NRP2: variants seen among roughly 807,000 people sequenced by gnomAD.
NRP2 encodes neuropilin 2.
In NRP2, 52 loss-of-function variants were observed where a neutral mutation model predicts 110.4. The ratio of observed to expected loss-of-function variants is 0.47; its 90% CI spans 0.38 to 0.59. The LOEUF is 0.59. NRP2 is among the 20% of genes least tolerant of loss of function. The pLI, the probability that NRP2 is intolerant of heterozygous loss-of-function variation, is 0.00. For missense variants in NRP2, 1,049 were observed against 1,203.0 expected (o/e 0.87, Z 1.89); for synonymous variants, 508 against 468.9 (o/e 1.08, Z -1.08).
intron 1 of NRP2, 27 bp downstream of exon 1, chr2:205,683,390 A>T: frequency 6.5e-7 from 1 of 1,549,654 alleles, no homozygotes; most frequent in Non-Finnish European, 8.9e-7. Flanking sequence ...TTTTCTATTT[A>T]TTGCAACATG....
At chr2:205,723,054 C>T (rs1348250393) in intron 4 of NRP2, among the ~76,000 whole-genome samples, 1 of 152,228 alleles carries the variant, frequency 6.6e-6, no homozygotes, top group Admixed American at 6.5e-5. Flanking sequence ...GCCAGACTGG[C>T]CGGGCTTAAC....
chr2:205,712,950 A>G (rs1389117376), intron 2 of NRP2, among the ~76,000 whole-genome samples: 1 of 152,252 alleles, frequency 6.6e-6, no homozygotes, highest in Non-Finnish European at 1.5e-5. Context: ...CAGAGAAAAA[A>G]TTTATAGTAT....
chr2:205,795,271 A>G lies in NRP2; in HGVS notation c.*213A>G. The G allele has an allele frequency of 1.7e-6, 1 of 576,134 alleles. No homozygotes were observed. Among genetic ancestry groups the G allele is most frequent in the Non-Finnish European group, 3.1e-6 (1 of 318,542 alleles). The allele number at this position is 576,134 out of a possible 1,614,324, so 35.7% of individuals were successfully genotyped here. On this transcript the variant is annotated 3_prime_UTR_variant, in exon 17 of 17. Coordinates refer to ENST00000357785, the MANE Select transcript of NRP2 (RefSeq NM_003872.3). Reference sequence around the variant, plus strand: ...TACCCTCCTAGGACCGCGGTGGCTAAGTCATTGCAGGAACGGGGCTGTGTT... The same window carrying G: ...TACCCTCCTAGGACCGCGGTGGCTAGGTCATTGCAGGAACGGGGCTGTGTT...
rs1009771237 is a variant in NRP2, at chr2:205,766,360, T to G, written c.2405-423T>G. 4.6e-5 allele frequency among the ~76,000 whole-genome samples: 7 copies of G among 152,284 alleles called. 1 individual carries two copies. The highest frequency in any genetic ancestry group is 1.7e-4 in the African/African-American group (7 of 41,546). ...AGAGTGGCTGCAGTAACTCACCAAC[T>G]GCCTTTCTTGGCACACGACCCCTGG... is the stretch of plus-strand genomic sequence containing the variant. On this transcript the variant is annotated intron_variant, in intron 14 of 16. Coordinates refer to ENST00000357785, the MANE Select transcript of NRP2 (RefSeq NM_003872.3).
chr2:205,787,256 C>T (rs369397737), intron 15 of NRP2, among the ~76,000 whole-genome samples: 3 of 152,240 alleles, frequency 2.0e-5, no homozygotes, highest in Admixed American at 6.5e-5. Context: ...CATCCCACGC[C>T]GCTTCCTTCA....
At chr2:205,738,314 GC>G (rs758486277) in intron 7 of NRP2, among the ~76,000 whole-genome samples, 3 of 151,968 alleles carry the variant, frequency 2.0e-5, no homozygotes, top group Non-Finnish European at 4.4e-5. Context: ...GCCAGTGGAG[GC>G]CCCCCTGCTG....
intron 11 of NRP2, 146 bp downstream of exon 11, chr2:205,749,987 G>A: frequency 1.4e-6 from 1 of 709,492 alleles, no homozygotes. Context: ...GGCACTTAGG[G>A]GTTTGGGGCA....
At chr2:205,740,909 A>G (rs2057428155) in intron 8 of NRP2, among the ~76,000 whole-genome samples, 1 of 152,238 alleles carries the variant, frequency 6.6e-6, no homozygotes, top group South Asian at 2.1e-4. Flanking sequence ...CATTCTAAGC[A>G]CCTAAGATGT....
Position 205,763,879 on chromosome 2 carries a change from G to C in NRP2, c.2250G>C (p.Gln750His), listed in dbSNP as rs2057866308. The C allele has an allele frequency of 6.2e-7, 1 of 1,614,000 alleles. No individual in the cohort carries two copies. Among genetic ancestry groups the C allele is most frequent in the South Asian group, 1.1e-5 (1 of 91,090 alleles). The change falls in exon 13 of 17, where the codon CAG becomes CAC. Residue 750 changes from glutamine (Q) to histidine (H), a missense_variant. By Grantham distance (24) the Gln-to-His change is conservative. Transcript: ENST00000357785. The surrounding 1 kb of genome is among the most constrained non-coding windows in gnomAD (Gnocchi z 4.0). The part of the protein sequence containing the change: ...SKLLWVIRED[Q>H]GGEWKHGRII... ...TGCTGTGGGTCATCCGTGAGGACCA[G>C]GGCGGCGAGTGGAAGCACGGGCGGA...
chr2:205,765,764 G>A (rs972031459), intron 14 of NRP2, 194 bp downstream of exon 14: 4 of 726,460 alleles, frequency 5.5e-6, no homozygotes, highest in African/African-American at 3.4e-5. Flanking sequence ...TGTGAGGTAA[G>A]GGGACGGCTT....
chr2:205,781,544 A>C (rs1014988454), intron 15 of NRP2, among the ~76,000 whole-genome samples: 3 of 152,224 alleles, frequency 2.0e-5, no homozygotes, highest in Non-Finnish European at 4.4e-5. Context: ...TGTTCTGCAC[A>C]AACGTGTGGC....
intron 12 of NRP2, among the ~76,000 whole-genome samples, chr2:205,755,840 T>C (rs182715989): frequency 1.2e-4 from 18 of 152,158 alleles, no homozygotes; most frequent in African/African-American, 4.1e-4. Flanking sequence ...ACAGAAGTAA[T>C]GAAATTTAAG....
intron 3 of NRP2, 68 bp from the exon 4 acceptor site, chr2:205,722,410 A>G (rs2057038759): frequency 7.8e-7 from 1 of 1,283,588 alleles, no homozygotes; most frequent in African/African-American, 1.5e-5. Context: ...CATTTAAATA[A>G]CCCATGTGAC....
intron 2 of NRP2, among the ~76,000 whole-genome samples, chr2:205,708,952 C>T (rs1229120971): frequency 1.3e-5 from 2 of 152,146 alleles, no homozygotes; most frequent in African/African-American, 2.4e-5. Context: ...GAGCCCTTGG[C>T]GTTAAATAGC....
chr2:205,726,098 C>A lies in NRP2; in HGVS notation c.990+16C>A. The A allele has an allele frequency of 6.2e-7, 1 of 1,613,788 alleles. No individual in the cohort carries two copies. Among genetic ancestry groups the A allele is most frequent in the Non-Finnish European group, 8.5e-7 (1 of 1,179,712 alleles). On this transcript the variant is annotated intron_variant, in intron 6 of 16. Transcript: ENST00000357785. Reference sequence around the variant, plus strand: ...GTATCTCCAGGTACTTGTGCAGATACCAGAGGATGTGAGAGTGTGTATGTA... The same window carrying A: ...GTATCTCCAGGTACTTGTGCAGATAACAGAGGATGTGAGAGTGTGTATGTA...
intron 7 of NRP2, among the ~76,000 whole-genome samples, chr2:205,734,399 G>GCCCCCCCCCCCCCCCC (rs201261642): frequency 3.3e-5 from 3 of 90,482 alleles, no homozygotes; most frequent in African/African-American, 8.0e-5. Flanking sequence ...ATTTCCCACC[G>GCCCCCCCCCCCCCCCC]CCCCCCCCCA....
rs1290174353 is a variant in NRP2 at position 205,765,679 on chromosome 2, T to TG, written c.2404+113dup. 6 of 930,808 alleles carry TG rather than the reference T, an allele frequency of 6.4e-6. No homozygotes were observed. In the African/African-American group the frequency reaches 8.1e-5, roughly 13 times the overall value. The allele number at this position is 930,808 out of a possible 1,614,324, so 57.7% of individuals were successfully genotyped here. On this transcript the variant is annotated intron_variant, in intron 14 of 16. Transcript: ENST00000357785. ...TCCAATGCAGTCGTTACCCAGTGGG[T>TG]GGGGCAGCCACAGTCTCTGCAAGGT...
intron 7 of NRP2, among the ~76,000 whole-genome samples, chr2:205,734,226 C>T (rs1017769163): frequency 1.3e-5 from 2 of 152,196 alleles, no homozygotes; most frequent in East Asian, 3.9e-4. Context: ...CACACACACA[C>T]ACACACATGC....
chr2:205,725,444 G>T lies in NRP2; in HGVS notation c.821-469G>T, dbSNP rs1180571160. 6.6e-6 allele frequency among the ~76,000 whole-genome samples: 1 copy of T among 152,182 alleles called. No individual in the cohort carries two copies. Among genetic ancestry groups the T allele is most frequent in the Non-Finnish European group, 1.5e-5 (1 of 68,040 alleles). ...CAAGTATTTATGCTTTGTAATGTCT[G>T]TCTTCTGTGCCAGAACTCACAAGAC... On this transcript the variant is annotated intron_variant, in intron 5 of 16. Coordinates refer to ENST00000357785, the MANE Select transcript of NRP2 (RefSeq NM_003872.3). The surrounding 1 kb of genome is among the most constrained non-coding windows in gnomAD (Gnocchi z 4.1).
Sources: allele counts gnomAD v4.1 joint callset (sites outside exome capture counted in the v4.1 genomes callset), GRCh38; gene constraint gnomAD v4.1.1; non-coding constraint Gnocchi (gnomAD v3.1); transcripts MANE v1.5; gene names NCBI Gene and HGNC (gene_info 2026-07-23, HGNC 2026-07-21).